Variants in MTERF4 observed in about 807,000 individuals in gnomAD.
The protein encoded by MTERF4 is transcription termination factor 4, mitochondrial.
Under a neutral mutation model 22.5 loss-of-function variants are expected in MTERF4, and 17 were observed. The ratio of observed to expected loss-of-function variants is 0.75; its 90% CI spans 0.52 to 1.13. MTERF4 has a LOEUF of 1.13. Among genes scored for constraint, MTERF4 ranks in the 50% most tolerant of loss-of-function variants. The pLI is 0.00. For missense variants in MTERF4, 420 were observed against 466.8 expected (o/e 0.90, Z 0.92); for synonymous variants, 165 against 175.3 (o/e 0.94, Z 0.47).
At chr2:241,079,871 AC>A (rs1198854330) in intron 4 of MTERF4, among the ~76,000 whole-genome samples, 1 of 152,202 alleles carries the variant, frequency 6.6e-6, no homozygotes, top group African/African-American at 2.4e-5. Flanking sequence ...TAGTAGTAAT[AC>A]CTGAATTGTT....
the MTERF4 span, among the ~76,000 whole-genome samples, chr2:241,058,099 AG>A: frequency 2.4e-3 from 370 of 152,350 alleles, no homozygotes; most frequent in Non-Finnish European, 3.8e-3. Context: ...TGAAAGTGAA[AG>A]GAAAAAAATA....
chr2:241,063,947 G>A, the MTERF4 span: 1 of 1,220,606 alleles, frequency 8.2e-7, no homozygotes, highest in Non-Finnish European at 1.2e-6. Flanking sequence ...TCTTCCCGCT[G>A]TCCTCTCCTC....
At chr2:241,093,909 T>C (rs2064211603), downstream of MTERF4, 1 of 153,274 alleles carries the variant, frequency 6.5e-6, no homozygotes. Context: ...TGTATCAAAA[T>C]GAAAGAAGCA....
At chr2:241,064,904 G>T in the MTERF4 span, 1 of 1,583,234 alleles carries the variant, frequency 6.3e-7, no homozygotes, top group Non-Finnish European at 8.5e-7. This position sits in a 1 kb window ranked among gnomAD's most constrained non-coding sequence, Gnocchi z 7.0. Flanking sequence ...GCCAGCAACG[G>T]CTCCCACAGC....
chr2:241,081,234 G>C (rs890488806), intron 4 of MTERF4, among the ~76,000 whole-genome samples: 1 of 152,148 alleles, frequency 6.6e-6, no homozygotes, highest in African/African-American at 2.4e-5. Flanking sequence ...GTGGGATCAA[G>C]TGAGCAGTAA....
Position 241,073,220 on chromosome 2 carries a change from G to A in MTERF4, n.2942C>T. 1 of 1,423,550 alleles carries A rather than the reference G, an allele frequency of 7.0e-7. No homozygotes were observed. Among genetic ancestry groups the A allele is most frequent in the Non-Finnish European group, 9.7e-7 (1 of 1,033,244 alleles). 88.2% of individuals were successfully genotyped at this position (1,423,550 alleles called of 1,614,324 possible). A position where few individuals can be genotyped will look rare whatever the true frequency, so the allele number is the denominator to read the frequency against. ...AAAGGGTGGCCCCAGGACCATCCCG[G>A]GTGCAAAGCAGCTGCGCCGTGTGGT... On this transcript the variant is annotated non_coding_transcript_exon_variant, in exon 5 of 5. Coordinates refer to the MTERF4 transcript ENST00000464344. This position sits in a 1 kb window ranked among gnomAD's most constrained non-coding sequence, Gnocchi z 6.6.
rs547165910 is a variant in MTERF4 at position 241,080,554 on chromosome 2, G to A, written n.480-4872C>T. Reference sequence around the variant, plus strand: ...CAGGATGTGGACAAAATAAGCCCAGGACATGTTGTGTAAAAAGCAAGCAAG... The same window carrying A: ...CAGGATGTGGACAAAATAAGCCCAGAACATGTTGTGTAAAAAGCAAGCAAG... On this transcript the variant is annotated intron_variant and non_coding_transcript_variant, in intron 4 of 4. Transcript: ENST00000464344. Among the ~76,000 whole-genome samples, 8 of 152,268 alleles carry A rather than the reference G, an allele frequency of 5.3e-5. No individual in the cohort carries two copies. In the South Asian group the frequency reaches 1.7e-3, roughly 32 times the overall value.
downstream of MTERF4, among the ~76,000 whole-genome samples, chr2:241,086,763 A>T (rs2063601983): frequency 6.6e-6 from 1 of 152,316 alleles, no homozygotes; most frequent in African/African-American, 2.4e-5. Context: ...TTTCCCTTTT[A>T]AACAGCTCTG....
downstream of MTERF4, chr2:241,070,256 C>T (rs1168487366): frequency 3.9e-6 from 6 of 1,530,548 alleles, no homozygotes; most frequent in East Asian, 1.4e-4. Context: ...AGCCCTCCAC[C>T]CTGTTCAGGA....
chr2:241,099,626 C>G lies in MTERF4; in HGVS notation c.290G>C (p.Ser97Thr), dbSNP rs2064610373. Residue 97 changes from serine (S) to threonine (T), a missense_variant, in exon 2 of 4, where the codon AGT becomes ACT. Coordinates refer to ENST00000391980, the MANE Select transcript of MTERF4 (RefSeq NM_182501.4). The part of the protein sequence containing the change: ...QGSLELERVM[S>T]SLLDMGFSNA... ...GCTGAAACCCATGTCCAGGAGGGAA[C>G]TCATGACCCTCTCTAGCTCCAAGGA... 6.2e-7 allele frequency: 1 copy of G among 1,614,106 alleles called. No individual in the cohort carries two copies. Among genetic ancestry groups the G allele is most frequent in the Admixed American group, 1.7e-5 (1 of 60,014 alleles).
At position 241,073,165 on chromosome 2, in the gene MTERF4, T is replaced by A. The variant is rs1349063500; in HGVS notation, n.2997A>T. 4 of 825,282 alleles carry A rather than the reference T, an allele frequency of 4.8e-6. No homozygotes were observed. The highest frequency in any genetic ancestry group is 7.7e-6 in the Non-Finnish European group (4 of 517,974). The allele number at this position is 825,282 out of a possible 1,614,324, so 51.1% of individuals were successfully genotyped here. On this transcript the variant is annotated non_coding_transcript_exon_variant, in exon 5 of 5. Coordinates refer to the MTERF4 transcript ENST00000464344. This position sits in a 1 kb window ranked among gnomAD's most constrained non-coding sequence, Gnocchi z 6.6. ...GGGAGCCTGGTCCCCACCAGGGACA[T>A]CCGTGCTCCCTGAGATATAGAAGCA...
downstream of MTERF4, chr2:241,069,782 G>T: frequency 1.0e-6 from 1 of 988,276 alleles, no homozygotes. This position sits in a 1 kb window ranked among gnomAD's most constrained non-coding sequence, Gnocchi z 4.9. Flanking sequence ...ACCCCGCCTC[G>T]GCACTGTACC....
the MTERF4 span, among the ~76,000 whole-genome samples, chr2:241,066,461 C>A: frequency 6.6e-6 from 1 of 152,178 alleles, no homozygotes; most frequent in Non-Finnish European, 1.5e-5. Flanking sequence ...GATCTCGGAA[C>A]AGGCTGGGCA....
chr2:241,077,048 C>T (rs1290869273), intron 4 of MTERF4, among the ~76,000 whole-genome samples: 1 of 150,012 alleles, frequency 6.7e-6, no homozygotes, highest in Non-Finnish European at 1.5e-5. Flanking sequence ...CACTGCACTC[C>T]AGCCTGGGCG....
At chr2:241,052,241 G>C in the MTERF4 span, 1 of 1,471,774 alleles carries the variant, frequency 6.8e-7, no homozygotes, top group South Asian at 1.1e-5. Flanking sequence ...GGCAGGGCTG[G>C]TCCAGGCCCT....
downstream of MTERF4, chr2:241,070,341 T>G: frequency 1.1e-6 from 1 of 937,436 alleles, no homozygotes; most frequent in South Asian, 1.7e-5. Context: ...AGGGGAGGAG[T>G]CTGTGTATGA....
At chr2:241,059,139 A>G in the MTERF4 span, among the ~76,000 whole-genome samples, 1 of 152,214 alleles carries the variant, frequency 6.6e-6, no homozygotes, top group Non-Finnish European at 1.5e-5. Flanking sequence ...AGGCCAATGT[A>G]TCTGACAACT....
At chr2:241,054,150 C>T in the MTERF4 span, among the ~76,000 whole-genome samples, 8 of 152,012 alleles carry the variant, frequency 5.3e-5, no homozygotes, top group Admixed American at 5.2e-4. Context: ...CAGGTGAGCT[C>T]CTGACTGTCT....
the MTERF4 span, chr2:241,063,313 T>C: frequency 1.9e-6 from 1 of 520,700 alleles, no homozygotes; most frequent in South Asian, 2.0e-5. Context: ...CAGGGAGCCG[T>C]GCCCAGTCGT....
Sources: allele counts gnomAD v4.1 joint callset (sites outside exome capture counted in the v4.1 genomes callset), GRCh38; gene constraint gnomAD v4.1.1; non-coding constraint Gnocchi (gnomAD v3.1); transcripts MANE v1.5; gene names NCBI Gene and HGNC (gene_info 2026-07-23, HGNC 2026-07-21).